The following ARHGAP39 variants were observed in gnomAD, a reference collection of about 807,000 sequenced individuals.
The protein encoded by ARHGAP39 is rho GTPase-activating protein 39.
In ARHGAP39, 44 loss-of-function variants were observed where a neutral mutation model predicts 106.9. The ratio of observed to expected loss-of-function variants is 0.41; its 90% CI spans 0.32 to 0.53. ARHGAP39 has a LOEUF of 0.53. Ranked by LOEUF, ARHGAP39 falls within the 20% of genes least tolerant of loss-of-function variation. The probability of loss-of-function intolerance (pLI) is 0.21; values close to 1 mark genes in which losing one functional copy is unlikely to be tolerated. For synonymous variants in ARHGAP39, 768 were observed against 693.2 expected, an observed-to-expected ratio of 1.11 and a Z score of -1.69; for missense variants, 1,496 against 1,577.3, an observed-to-expected ratio of 0.95 and a Z score of 0.87.
Position 144,676,055 on chromosome 8 carries a change from T to C in ARHGAP39, c.-82+9631A>G, listed in dbSNP as rs185893208. On this transcript the variant is annotated intron_variant, in intron 1 of 11. Coordinates refer to ENST00000377307, the MANE Select transcript of ARHGAP39 (RefSeq NM_025251.3). ...CCTTCTCGGTGAGTGTCACAGCTCA[T>C]AAAGGCGGCGCGGACCCAAAGAGTG... Among the ~76,000 whole-genome samples, 7 of 152,266 alleles carry C rather than the reference T, an allele frequency of 4.6e-5. No individual in the cohort carries two copies. In the East Asian group the frequency reaches 7.7e-4, roughly 17 times the overall value.
intron 1 of ARHGAP39, among the ~76,000 whole-genome samples, chr8:144,634,076 T>C (rs1821129667): frequency 1.3e-5 from 2 of 152,284 alleles, no homozygotes; most frequent in African/African-American, 4.8e-5. Flanking sequence ...ATCAGTGCCT[T>C]TCAGTCCCTG....
At chr8:144,579,436 C>T (rs922980987) in intron 3 of ARHGAP39, among the ~76,000 whole-genome samples, 12 of 152,004 alleles carry the variant, frequency 7.9e-5, no homozygotes, top group Non-Finnish European at 1.5e-4. Flanking sequence ...CCTTCTGCAC[C>T]GCTCGCTCAC....
Position 144,670,683 on chromosome 8 carries a change from C to T in ARHGAP39, c.-82+15003G>A, listed in dbSNP as rs1822079502. ...GATCCCCACCATCTTCTCCTGCAGG[C>T]CCCAGACTCAATCTCCCTCCTGGAG... On this transcript the variant is annotated intron_variant, in intron 1 of 11. Coordinates refer to ENST00000377307, the MANE Select transcript of ARHGAP39 (RefSeq NM_025251.3). The surrounding 1 kb of genome is among the most constrained non-coding windows in gnomAD (Gnocchi z 4.4). Among the ~76,000 whole-genome samples, 1 of 152,068 alleles carries T rather than the reference C, an allele frequency of 6.6e-6. No individual in the cohort carries two copies. Among genetic ancestry groups the T allele is most frequent in the Admixed American group, 6.6e-5 (1 of 15,262 alleles).
intron 3 of ARHGAP39, 48 bp downstream of exon 3, chr8:144,580,798 C>CCA: frequency 6.9e-7 from 1 of 1,449,106 alleles, no homozygotes; most frequent in South Asian, 1.4e-5. Flanking sequence ...CTGGCCCCGC[C>CCA]CACTCCATTC....
Position 144,530,306 on chromosome 8 carries a change from T to G in ARHGAP39, c.*116A>C, listed in dbSNP as rs2130809688. The stretch of plus-strand genomic sequence containing the variant: ...CGCCGGGGCCAGGGGCCTGGGGGAG[T>G]GGAGGGGGCTCCAGGGCTGGGCCGG... On this transcript the variant is annotated 3_prime_UTR_variant, in exon 12 of 12. Coordinates refer to ENST00000377307, the MANE Select transcript of ARHGAP39 (RefSeq NM_025251.3). The G allele has an allele frequency of 1.7e-6, 2 of 1,151,084 alleles. No individual in the cohort carries two copies. The highest frequency in any genetic ancestry group is 2.4e-6 in the Non-Finnish European group (2 of 826,618). 71.3% of individuals were successfully genotyped at this position (1,151,084 alleles called of 1,614,324 possible).
chr8:144,591,739 A>G lies in ARHGAP39; in HGVS notation c.81-10462T>C, dbSNP rs552222836. Among the ~76,000 whole-genome samples, 8 of 152,310 alleles carry G rather than the reference A, an allele frequency of 5.3e-5. No individual in the cohort carries two copies. The highest frequency in any genetic ancestry group is 1.0e-4 in the Non-Finnish European group (7 of 68,006). On this transcript the variant is annotated intron_variant, in intron 2 of 11. Coordinates refer to ENST00000377307, the MANE Select transcript of ARHGAP39 (RefSeq NM_025251.3). This position sits in a 1 kb window ranked among gnomAD's most constrained non-coding sequence, Gnocchi z 5.3. ...TCAGAACTCAGGACGCACACCAAGG[A>G]CAGGACCACATGGACGCAGGTCAAA...
chr8:144,669,385 T>C (rs985092229), intron 1 of ARHGAP39, among the ~76,000 whole-genome samples: 2 of 142,954 alleles, frequency 1.4e-5, no homozygotes, highest in South Asian at 4.6e-4. Context: ...CGGGCGCCTG[T>C]AGTCCCAGCT....
chr8:144,667,143 C>T (rs927717150), intron 1 of ARHGAP39, among the ~76,000 whole-genome samples: 1 of 152,204 alleles, frequency 6.6e-6, no homozygotes. Flanking sequence ...AAGAAAGAGA[C>T]AAGGCAGATG....
rs780310869 is a variant in ARHGAP39, at chr8:144,548,060, G to A, written c.1026C>T (p.Ala342=). 1.3e-6 allele frequency: 2 copies of A among 1,596,398 alleles called. No individual in the cohort carries two copies. Among genetic ancestry groups the A allele is most frequent in the Admixed American group, 3.4e-5 (2 of 58,758 alleles). The change falls in exon 5 of 12, where the codon GCC becomes GCT. Residue 342 remains alanine, a synonymous_variant. Transcript: ENST00000377307. This position sits in a 1 kb window ranked among gnomAD's most constrained non-coding sequence, Gnocchi z 7.4. ...VQFEAGGGYQ[A]GSPQRSPGRK... ...GGCCCGGCGACCGCTGGGGAGAGCC[G>A]GCCTGGTAGCCCCCGCCAGCCTCGA...
chr8:144,668,227 A>G (rs1377816198), intron 1 of ARHGAP39, among the ~76,000 whole-genome samples: 1 of 152,188 alleles, frequency 6.6e-6, no homozygotes. Context: ...GGACTGCTTG[A>G]GCCCAGGAGT....
intron 1 of ARHGAP39, among the ~76,000 whole-genome samples, chr8:144,662,949 T>C (rs1821871730): frequency 7.5e-6 from 1 of 133,554 alleles, no homozygotes; most frequent in South Asian, 2.7e-4. Flanking sequence ...CCACACCCCA[T>C]TACTCACCTT....
chr8:144,555,681 T>C (rs1374989091), intron 3 of ARHGAP39, 38 bp from the exon 4 acceptor site: 1 of 1,561,814 alleles, frequency 6.4e-7, no homozygotes, highest in African/African-American at 1.4e-5. Context: ...TGAATATAAG[T>C]GCAATCGTTT....
rs532824477 is a variant in ARHGAP39, at chr8:144,530,291, A to G, written c.*131T>C. ...AGAAGACGTGGGGAGCGCCGGGGCC[A>G]GGGGCCTGGGGGAGTGGAGGGGGCT... is the stretch of plus-strand genomic sequence containing the variant. On this transcript the variant is annotated 3_prime_UTR_variant, in exon 12 of 12. Coordinates refer to ENST00000377307, the MANE Select transcript of ARHGAP39 (RefSeq NM_025251.3). 5.3e-4 allele frequency: 530 copies of G among 1,006,174 alleles called. 6 individuals are homozygous for G. In the East Asian group the frequency reaches 0.014, roughly 26 times the overall value. The allele number at this position is 1,006,174 out of a possible 1,614,324, so 62.3% of individuals were successfully genotyped here.
Position 144,547,394 on chromosome 8 carries a change from C to T in ARHGAP39, c.1692G>A (p.Gln564=). Residue 564 remains glutamine, a synonymous_variant, in exon 5 of 12, where the codon CAG becomes CAA. Transcript: ENST00000377307. The surrounding 1 kb of genome is among the most constrained non-coding windows in gnomAD (Gnocchi z 5.2). ...LAQARLAWEA[Q]QAHFHMKQRS... is the part of the protein sequence containing the mutation. ...TCTGCTTCATGTGGAAGTGGGCCTG[C>T]TGCGCCTCCCAGGCCAGCCGAGCCT... 6.3e-7 allele frequency: 1 copy of T among 1,594,268 alleles called. No individual in the cohort carries two copies. The highest frequency in any genetic ancestry group is 8.5e-7 in the Non-Finnish European group (1 of 1,176,860).
intron 4 of ARHGAP39, among the ~76,000 whole-genome samples, chr8:144,554,857 A>G (rs914391224): frequency 4.6e-5 from 7 of 152,216 alleles, no homozygotes; most frequent in African/African-American, 1.7e-4. Context: ...CAGCTGTTCA[A>G]TCGTCTGTGC....
chr8:144,597,626 G>C (rs769896653), intron 2 of ARHGAP39, among the ~76,000 whole-genome samples: 1 of 152,218 alleles, frequency 6.6e-6, no homozygotes, highest in Admixed American at 6.5e-5. Context: ...TAATCAATGG[G>C]GCCGGGATTG....
chr8:144,693,167 C>G, the ARHGAP39 span, among the ~76,000 whole-genome samples: 1 of 147,868 alleles, frequency 6.8e-6, no homozygotes, highest in African/African-American at 2.5e-5. Flanking sequence ...CGGGTTCAAG[C>G]GATTCTCCTG....
At chr8:144,660,530 T>C (rs910373230) in intron 1 of ARHGAP39, among the ~76,000 whole-genome samples, 15 of 152,120 alleles carry the variant, frequency 9.9e-5, no homozygotes, top group Admixed American at 1.3e-4. Flanking sequence ...AGTTGAGTAA[T>C]ATTTAATACT....
intron 1 of ARHGAP39, among the ~76,000 whole-genome samples, chr8:144,608,287 G>GT (rs1820372174): frequency 6.6e-6 from 1 of 151,908 alleles, no homozygotes; most frequent in Non-Finnish European, 1.5e-5. Context: ...TAAAACAGCA[G>GT]TATCAGTGAA....
Sources: allele counts gnomAD v4.1 joint callset (sites outside exome capture counted in the v4.1 genomes callset), GRCh38; gene constraint gnomAD v4.1.1; non-coding constraint Gnocchi (gnomAD v3.1); transcripts MANE v1.5; gene names NCBI Gene and HGNC (gene_info 2026-07-23, HGNC 2026-07-21).